Variants in ECT2L observed in about 807,000 individuals in gnomAD.
ECT2L encodes the protein epithelial cell-transforming sequence 2 oncogene-like.
In ECT2L, 126 loss-of-function variants were observed where a neutral mutation model predicts 122.8. That is an observed-to-expected ratio of 1.03 (90% CI 0.89 to 1.19). The LOEUF (loss-of-function observed/expected upper bound fraction) is 1.19, where lower values mean the gene tolerates loss of function less well. ECT2L is among the 50% of genes most tolerant of loss of function. ECT2L has a pLI of 0.00. For synonymous variants in ECT2L, 385 were observed against 381.8 expected (o/e 1.01, Z -0.10); for missense variants, 1,012 against 1,064.1 (o/e 0.95, Z 0.68).
intron 3 of ECT2L, among the ~76,000 whole-genome samples, 160 bp downstream of exon 3, chr6:138,813,500 T>C (rs1044484792): frequency 1.3e-5 from 2 of 152,210 alleles, no homozygotes; most frequent in African/African-American, 4.8e-5. Flanking sequence ...CCAAAGACAG[T>C]CTCTTCTCAC....
At chr6:138,859,068 G>A (rs1777727107) in intron 10 of ECT2L, among the ~76,000 whole-genome samples, 1 of 152,040 alleles carries the variant, frequency 6.6e-6, no homozygotes, top group Non-Finnish European at 1.5e-5. Flanking sequence ...TCATCTTTGT[G>A]CAGAGGCCAC....
At chr6:138,838,537 G>A (rs1286547772) in intron 5 of ECT2L, 23 bp downstream of exon 5, 3 of 1,599,796 alleles carry the variant, frequency 1.9e-6, no homozygotes, top group Non-Finnish European at 2.6e-6. Flanking sequence ...CCACTTCCTA[G>A]TAATAGGGCA....
At chr6:138,876,242 T>C (rs746851021) in intron 13 of ECT2L, among the ~76,000 whole-genome samples, 5 of 152,166 alleles carry the variant, frequency 3.3e-5, no homozygotes, top group Non-Finnish European at 7.3e-5. Context: ...ACGCTGGATT[T>C]AGTTCTCAAG....
intron 4 of ECT2L, among the ~76,000 whole-genome samples, chr6:138,824,746 G>A (rs1402580292): frequency 6.6e-6 from 1 of 152,016 alleles, no homozygotes; most frequent in Non-Finnish European, 1.5e-5. Flanking sequence ...TTGAGGAGAT[G>A]GGGAGATTCT....
chr6:138,876,670 T>TA (rs10708030), intron 14 of ECT2L, 112 bp downstream of exon 14: 12,536 of 465,048 alleles, frequency 0.027, 504 homozygotes, highest in African/African-American at 0.15. Flanking sequence ...TTTGGGGGAT[T>TA]AAAAAAAAAA....
intron 1 of ECT2L, among the ~76,000 whole-genome samples, chr6:138,802,261 C>A (rs1324072158): frequency 6.6e-6 from 1 of 152,260 alleles, no homozygotes; most frequent in African/African-American, 2.4e-5. Flanking sequence ...CCCAGTCCAG[C>A]TGTGGCATCC....
rs879771435 is a variant in ECT2L at position 138,834,931 on chromosome 6, A to ACT, written c.180-3420_180-3419insTC. The stretch of plus-strand genomic sequence containing the variant: ...CACACACACACACACACACACACAC[A>ACT]CACACTCTCATTCTCTCTCTCTGTC... On this transcript the variant is annotated intron_variant, in intron 4 of 21. Transcript: ENST00000541398. 4.2e-3 allele frequency among the ~76,000 whole-genome samples: 385 copies of ACT among 90,922 alleles called. 1 individual carries two copies. Among genetic ancestry groups the ACT allele is most frequent in the East Asian group, 0.038 (110 of 2,872 alleles). 59.6% of individuals were successfully genotyped at this position (90,922 alleles called of 152,430 possible). A position where few individuals can be genotyped will look rare whatever the true frequency, so the allele number is the denominator to read the frequency against.
chr6:138,862,984 G>A (rs1173826788), intron 11 of ECT2L, among the ~76,000 whole-genome samples: 1 of 152,144 alleles, frequency 6.6e-6, no homozygotes, highest in Admixed American at 6.5e-5. Context: ...TAGCAATTAA[G>A]CAAAGTTGCT....
chr6:138,890,492 C>CTT (rs552594959), intron 20 of ECT2L, among the ~76,000 whole-genome samples: 825 of 78,914 alleles, frequency 0.01, 93 homozygotes, highest in African/African-American at 0.041. Context: ...TTTCTTTGAT[C>CTT]TTTTTTTTTT....
At chr6:138,805,637 C>A (rs572694050) in intron 1 of ECT2L, among the ~76,000 whole-genome samples, 77 of 152,234 alleles carry the variant, frequency 5.1e-4, no homozygotes, top group African/African-American at 1.8e-3. Flanking sequence ...ACTTCATTTG[C>A]ACATCTGGTG....
Position 138,885,823 on chromosome 6 carries a change from T to C in ECT2L, c.2252T>C (p.Ile751Thr), listed in dbSNP as rs769101783. 2.2e-5 allele frequency: 36 copies of C among 1,612,922 alleles called. No homozygotes were observed. Among genetic ancestry groups the C allele is most frequent in the Non-Finnish European group, 2.4e-5 (28 of 1,179,586 alleles). Residue 751 changes from isoleucine to threonine, a missense_variant, in exon 18 of 22, where the codon ATA becomes ACA. By Grantham distance (89) the Ile-to-Thr change is moderately conservative. Coordinates refer to ENST00000541398, the MANE Select transcript of ECT2L (RefSeq NM_001077706.3). ...IDQIKKYKGY[I>T]DQMKQNITMK... ...CAAATCAAAAAATATAAAGGTTATA[T>C]AGATCAGGTTGGTTGCTGATAAGAA...
chr6:138,877,175 T>A (rs1778480862), intron 14 of ECT2L, among the ~76,000 whole-genome samples: 1 of 152,148 alleles, frequency 6.6e-6, no homozygotes, highest in African/African-American at 2.4e-5. Context: ...AAAAGTCAAA[T>A]GACTTCCCTA....
intron 20 of ECT2L, among the ~76,000 whole-genome samples, chr6:138,893,336 TTTG>T (rs1375738333): frequency 6.6e-6 from 1 of 151,926 alleles, no homozygotes; most frequent in Non-Finnish European, 1.5e-5. Context: ...AGGTCAGGCC[TTTG>T]TTAAGAACAA....
At chr6:138,814,122 C>T (rs952151758) in intron 3 of ECT2L, among the ~76,000 whole-genome samples, 2 of 151,976 alleles carry the variant, frequency 1.3e-5, no homozygotes, top group African/African-American at 2.4e-5. Flanking sequence ...GAGTGTAGCC[C>T]GTATATGTTT....
intron 10 of ECT2L, among the ~76,000 whole-genome samples, chr6:138,855,036 A>G (rs1179635455): frequency 1.3e-5 from 2 of 151,622 alleles, no homozygotes; most frequent in Non-Finnish European, 2.9e-5. Context: ...AATTCTTTCT[A>G]CTCCTCAAAT....
At chr6:138,880,925 C>T in intron 14 of ECT2L, 32 bp from the exon 15 acceptor site, 1 of 1,589,384 alleles carries the variant, frequency 6.3e-7, no homozygotes, top group Non-Finnish European at 8.6e-7. Context: ...ACTTCTCCAT[C>T]ACTGACTTGA....
In ECT2L at chr6:138,865,022, T is replaced by G. The variant is rs79294486; in HGVS notation, c.1318T>G (p.Trp440Gly). Residue 440 changes from tryptophan (W) to glycine (G), a missense_variant, in exon 12 of 22, where the codon TGG (tryptophan) becomes GGG (glycine). Coordinates refer to ENST00000541398, the MANE Select transcript of ECT2L (RefSeq NM_001077706.3). ...TCTTAGTGATTGGCTGGGATCCCAA[T>G]GGGGAAAGGCCCCCTCTTCCATCTA... ...HILSDWLGSQ[W>G]GKAPSSIYFC... The G allele has an allele frequency of 3.9e-3, 6,255 of 1,613,460 alleles. 98 individuals carry two copies. In the African/African-American group the frequency reaches 0.048, roughly 12 times the overall value.
chr6:138,857,440 G>A (rs1025857173), intron 10 of ECT2L, among the ~76,000 whole-genome samples: 23 of 151,894 alleles, frequency 1.5e-4, no homozygotes, highest in Admixed American at 1.5e-3. Flanking sequence ...CTGCCTCTAG[G>A]CCCTCCATCC....
chr6:138,807,156 T>G (rs1775740351), intron 1 of ECT2L, among the ~76,000 whole-genome samples: 2 of 151,782 alleles, frequency 1.3e-5, no homozygotes, highest in South Asian at 4.2e-4. Flanking sequence ...TATTTTTTTG[T>G]GGAGACAGGG....
Sources: allele counts gnomAD v4.1 joint callset (sites outside exome capture counted in the v4.1 genomes callset), GRCh38; gene constraint gnomAD v4.1.1; transcripts MANE v1.5; gene names NCBI Gene and HGNC (gene_info 2026-07-23, HGNC 2026-07-21).